OR2T11: variants seen among roughly 807,000 people sequenced by gnomAD.
OR2T11 encodes the protein olfactory receptor 2T11.
In OR2T11, 14 loss-of-function variants were observed where a neutral mutation model predicts 13.5. The ratio of observed to expected loss-of-function variants is 1.04; its 90% CI spans 0.69 to 1.62. The LOEUF (loss-of-function observed/expected upper bound fraction) is 1.62, where lower values mean the gene tolerates loss of function less well. Among genes scored for constraint, OR2T11 ranks in the 40% most tolerant of loss-of-function variants. OR2T11 has a pLI of 0.00. For missense variants in OR2T11, 410 were observed against 389.7 expected, an observed-to-expected ratio of 1.05 and a Z score of -0.44; for synonymous variants, 163 against 154.6, an observed-to-expected ratio of 1.05 and a Z score of -0.40.
rs116242214 is a variant in OR2T11 at position 248,629,947 on chromosome 1, T to A, written c.-144-2675A>T. Among the ~76,000 whole-genome samples, 14 of 143,018 alleles carry A rather than the reference T, an allele frequency of 9.8e-5. 1 individual carries two copies. Among genetic ancestry groups the A allele is most frequent in the African/African-American group, 3.3e-4 (12 of 36,342 alleles). 93.8% of individuals were successfully genotyped at this position (143,018 alleles called of 152,430 possible). ...CACTTTTCTTAACACCGTCTGACAC[T>A]ACCTTGTGTTTTGTGTCTCTTCAAG... On this transcript the variant is annotated intron_variant, in intron 1 of 1. Transcript: ENST00000641193.
chr1:248,629,243 A>T (rs1660569575), intron 1 of OR2T11, among the ~76,000 whole-genome samples: 1 of 141,842 alleles, frequency 7.1e-6, no homozygotes, highest in South Asian at 2.2e-4. Context: ...TTTATAAAAA[A>T]CTAGCCAGGC....
intron 1 of OR2T11, among the ~76,000 whole-genome samples, chr1:248,627,688 G>T (rs1660544824): frequency 7.0e-6 from 1 of 143,438 alleles, no homozygotes; most frequent in Non-Finnish European, 1.5e-5. Flanking sequence ...GACGACAAGT[G>T]CAGTGTCATG....
At position 248,630,744 on chromosome 1, in the gene OR2T11, A is replaced by T. The variant is rs115896422; in HGVS notation, c.-144-3472T>A. On this transcript the variant is annotated intron_variant, in intron 1 of 1. Coordinates refer to ENST00000641193, the MANE Select transcript of OR2T11 (RefSeq NM_001001964.2). ...TAGACTTAGTGTTAAATATAACCAC[A>T]TGTGGGCAGAATCATCTTCCACCTC... Among the ~76,000 whole-genome samples, 3 of 144,006 alleles carry T rather than the reference A, an allele frequency of 2.1e-5. 1 individual carries two copies. Among genetic ancestry groups the T allele is most frequent in the Admixed American group, 1.4e-4 (2 of 14,762 alleles). The allele number at this position is 144,006 out of a possible 152,430, so 94.5% of individuals were successfully genotyped here.
In OR2T11 at chr1:248,627,232, C is replaced by A. The variant is rs1660539713; in HGVS notation, c.-104G>T. 4.5e-6 allele frequency: 3 copies of A among 667,498 alleles called. 1 individual carries two copies. The highest frequency in any genetic ancestry group is 2.7e-5 in the East Asian group (1 of 36,524). The allele number at this position is 667,498 out of a possible 1,614,324, so 41.3% of individuals were successfully genotyped here. On this transcript the variant is annotated 5_prime_UTR_variant, in exon 2 of 2. Coordinates refer to ENST00000641193, the MANE Select transcript of OR2T11 (RefSeq NM_001001964.2). ...GGAAAGGTCTGCAGTAGAGGTGACA[C>A]TTCTGAGGGTACCGTCAGGATGAAG...
chr1:248,631,669 AAC>A (rs1349630128), intron 1 of OR2T11, among the ~76,000 whole-genome samples: 1 of 143,162 alleles, frequency 7.0e-6, no homozygotes, highest in African/African-American at 2.8e-5. Context: ...ATTTTCCAGA[AAC>A]ACAAAATTCT....
rs1248173757 is a variant in OR2T11, at chr1:248,631,508, A to G, written c.-145+3530T>C. ...CTACCCTTAACTTCTCCCCAAAGAT[A>G]ATATCCCTTTGAGCATCACTTCCGT... On this transcript the variant is annotated intron_variant, in intron 1 of 1. Transcript: ENST00000641193. Among the ~76,000 whole-genome samples, 2 of 143,026 alleles carry G rather than the reference A, an allele frequency of 1.4e-5. 1 individual carries two copies. Among genetic ancestry groups the G allele is most frequent in the Admixed American group, 1.4e-4 (2 of 14,684 alleles). The allele number at this position is 143,026 out of a possible 152,430, so 93.8% of individuals were successfully genotyped here.
rs1260378380 is a variant in OR2T11 at position 248,625,735 on chromosome 1, G to T, written c.*443C>A. The T allele has an allele frequency of 6.7e-6, 1 of 150,258 alleles. No homozygotes were observed. The highest frequency in any genetic ancestry group is 2.7e-5 in the African/African-American group (1 of 36,730). 9.3% of individuals were successfully genotyped at this position (150,258 alleles called of 1,614,324 possible). On this transcript the variant is annotated 3_prime_UTR_variant, in exon 2 of 2. Coordinates refer to ENST00000641193, the MANE Select transcript of OR2T11 (RefSeq NM_001001964.2). ...AAAATAAAAAACACGACTAAAGTGT[G>T]TGCTTTTATCTTCTTTGCCACTTGT...
chr1:248,634,455 G>C (rs1163835857), intron 1 of OR2T11, among the ~76,000 whole-genome samples: 1 of 142,952 alleles, frequency 7.0e-6, no homozygotes, highest in East Asian at 2.0e-4. Context: ...GAAGCACACA[G>C]TGAAATGCTG....
Position 248,628,376 on chromosome 1 carries a change from C to T in OR2T11, c.-144-1104G>A, listed in dbSNP as rs547690274. ...AGGCCTCAGTGGCTTGAGTCTCAAA[C>T]ATTTGTGTAAAAATGAAAGTCCGAT... On this transcript the variant is annotated intron_variant, in intron 1 of 1. Coordinates refer to ENST00000641193, the MANE Select transcript of OR2T11 (RefSeq NM_001001964.2). Among the ~76,000 whole-genome samples the T allele has an allele frequency of 2.3e-4, 32 of 140,274 alleles. 4 individuals are homozygous for T. Among genetic ancestry groups the T allele is most frequent in the Non-Finnish European group, 3.5e-4 (23 of 65,480 alleles). 92.0% of individuals were successfully genotyped at this position (140,274 alleles called of 152,430 possible). A position where few individuals can be genotyped will look rare whatever the true frequency, so the allele number is the denominator to read the frequency against.
intron 1 of OR2T11, among the ~76,000 whole-genome samples, chr1:248,631,222 A>G (rs1169002975): frequency 7.0e-6 from 1 of 143,760 alleles, no homozygotes; most frequent in African/African-American, 2.7e-5. Context: ...CTATGCTGAT[A>G]AATGATTTTC....
chr1:248,626,246 T>A lies in OR2T11; in HGVS notation c.883A>T (p.Ile295Leu). Residue 295 changes from isoleucine (I) to leucine (L), a missense_variant, in exon 2 of 2, where the codon ATA (isoleucine) becomes TTA (leucine). Ile to Leu is a conservative substitution (Grantham distance 5, BLOSUM62 2). Transcript: ENST00000641193. ...GCAAATACCTTTTTAAATGCCCCTA[T>A]GACGTCCTTGTTTCTGAGGCTGTAG... ...LIYSLRNKDV[I>L]GAFKKVFACC... is the part of the protein sequence containing the mutation. 1.3e-6 allele frequency: 2 copies of A among 1,569,624 alleles called. No homozygotes were observed. The highest frequency in any genetic ancestry group is 1.7e-6 in the Non-Finnish European group (2 of 1,153,200).
Position 248,626,520 on chromosome 1 carries a change from C to CA in OR2T11, c.608dup (p.Met203IlefsTer27), listed in dbSNP as rs1558172001. On this transcript the variant is annotated frameshift_variant, in exon 2 of 2. Transcript: ENST00000641193. LOFTEE classifies it high-confidence loss of function. ...AGATGATAGAGATGGGGATGAGCAA[C>CA]ATGAGGACACAGCAGATGTACATCA... The CA allele has an allele frequency of 1.3e-6, 2 of 1,568,842 alleles. No individual in the cohort carries two copies. The highest frequency in any genetic ancestry group is 2.3e-5 in the South Asian group (2 of 88,840).
chr1:248,631,872 T>A (rs1296334086), intron 1 of OR2T11, among the ~76,000 whole-genome samples: 1 of 143,652 alleles, frequency 7.0e-6, no homozygotes, highest in African/African-American at 2.7e-5. Context: ...TAAAGCCCCA[T>A]TCAATAGGCA....
At chr1:248,630,202 A>ACACAAG in intron 1 of OR2T11, among the ~76,000 whole-genome samples, 1 of 143,190 alleles carries the variant, frequency 7.0e-6, no homozygotes, top group Non-Finnish European at 1.5e-5. Context: ...ATTTTTTTTA[A>ACACAAG]TGCTAGGCAC....
Sources: allele counts gnomAD v4.1 joint callset (sites outside exome capture counted in the v4.1 genomes callset), GRCh38; gene constraint gnomAD v4.1.1; transcripts MANE v1.5; gene names NCBI Gene and HGNC (gene_info 2026-07-23, HGNC 2026-07-21).